The following KDM4C variants were observed in gnomAD, a reference collection of about 807,000 sequenced individuals.
KDM4C encodes lysine-specific demethylase 4C.
In KDM4C, 81 loss-of-function variants were observed where a neutral mutation model predicts 129.3. The observed-to-expected ratio is 0.63, with a 90% CI of 0.52 to 0.75. The LOEUF is 0.75. KDM4C is among the 30% of genes least tolerant of loss of function. KDM4C has a pLI of 0.00. For missense variants in KDM4C, 1,457 were observed against 1,304.0 expected (o/e 1.12, Z -1.81); for synonymous variants, 573 against 456.1 (o/e 1.26, Z -3.26).
At chr9:7,127,564 AAAG>A in intron 18 of KDM4C, among the ~76,000 whole-genome samples, 1 of 152,180 alleles carries the variant, frequency 6.6e-6, no homozygotes, top group East Asian at 1.9e-4. Flanking sequence ...GGTCCTGATT[AAAG>A]AAGCCTAAAG....
At chr9:7,174,390 G>C (rs1211345000) in intron 21 of KDM4C, among the ~76,000 whole-genome samples, 163 bp from the exon 22 acceptor site, 3 of 152,206 alleles carry the variant, frequency 2.0e-5, no homozygotes, top group Non-Finnish European at 4.4e-5. Context: ...CTTTGGGTGG[G>C]AGAGGCGAGG....
chr9:6,740,274 T>G (rs968290613), intron 1 of KDM4C, among the ~76,000 whole-genome samples: 29 of 149,162 alleles, frequency 1.9e-4, no homozygotes, highest in Admixed American at 2.7e-4. Flanking sequence ...TGCAATCTCG[T>G]CTCACTGCAA....
intron 1 of KDM4C, among the ~76,000 whole-genome samples, chr9:6,743,413 A>G (rs1442104302): frequency 1.3e-5 from 2 of 152,164 alleles, no homozygotes; most frequent in Non-Finnish European, 2.9e-5. Context: ...GATTATCAAG[A>G]GTGTGCATCT....
intron 1 of KDM4C, among the ~76,000 whole-genome samples, chr9:6,770,432 T>TGAAATA (rs1821526328): frequency 6.6e-6 from 1 of 152,202 alleles, no homozygotes; most frequent in Non-Finnish European, 1.5e-5. Flanking sequence ...AAAATACATG[T>TGAAATA]CAATATCTGT....
intron 8 of KDM4C, among the ~76,000 whole-genome samples, chr9:6,917,081 A>T (rs1289282938): frequency 6.6e-6 from 1 of 152,108 alleles, no homozygotes; most frequent in East Asian, 1.9e-4. Flanking sequence ...TATAGGTATG[A>T]ATTATTTTCA....
At chr9:6,949,711 G>A (rs543747606) in intron 8 of KDM4C, among the ~76,000 whole-genome samples, 32 of 152,186 alleles carry the variant, frequency 2.1e-4, no homozygotes, top group East Asian at 1.9e-4. Context: ...GCGTGGCGGC[G>A]CGCGCCTGCA....
upstream of KDM4C, among the ~76,000 whole-genome samples, chr9:6,753,656 G>C (rs1818146695): frequency 6.6e-6 from 1 of 152,162 alleles, no homozygotes; most frequent in South Asian, 2.1e-4. Flanking sequence ...GGCTGTATTA[G>C]GTGAGGGACT....
At chr9:6,990,595 AT>A in intron 12 of KDM4C, 71 bp downstream of exon 12, 2 of 998,086 alleles carry the variant, frequency 2.0e-6, no homozygotes, top group Non-Finnish European at 3.0e-6. Flanking sequence ...TGTAAAAAAA[AT>A]TGCTGAATAG....
At chr9:7,014,147 G>A in intron 14 of KDM4C, 146 bp downstream of exon 14, 1 of 642,752 alleles carries the variant, frequency 1.6e-6, no homozygotes, top group Non-Finnish European at 2.6e-6. Context: ...ATTTCTGCTG[G>A]TAAAAGTATG....
intron 1 of KDM4C, among the ~76,000 whole-genome samples, chr9:6,722,517 A>AT (rs71315551): frequency 0.23 from 31,149 of 134,486 alleles, 3,562 homozygotes; most frequent in Non-Finnish European, 0.31. Context: ...ATGTCTATAT[A>AT]TTTTTTTTTT....
intron 8 of KDM4C, among the ~76,000 whole-genome samples, chr9:6,953,065 A>G (rs182716307): frequency 6.6e-6 from 1 of 152,346 alleles, no homozygotes. Context: ...TTTCATGATT[A>G]ATTGATACTT....
chr9:7,059,228 C>T (rs139592379), intron 17 of KDM4C, among the ~76,000 whole-genome samples: 1 of 152,254 alleles, frequency 6.6e-6, no homozygotes, highest in Non-Finnish European at 1.5e-5. Context: ...TGGCTCATTG[C>T]AGCCTGTATC....
chr9:6,742,235 C>T (rs1378554073), intron 1 of KDM4C, among the ~76,000 whole-genome samples: 3 of 150,458 alleles, frequency 2.0e-5, no homozygotes, highest in Non-Finnish European at 2.9e-5. Context: ...AGGCTGGTCT[C>T]GAACTCCTGA....
intron 1 of KDM4C, among the ~76,000 whole-genome samples, chr9:6,781,384 G>GTT (rs58921729): frequency 6.9e-6 from 1 of 144,686 alleles, no homozygotes; most frequent in Non-Finnish European, 1.5e-5. Flanking sequence ...TGTTTTTTGT[G>GTT]TTTTTTTTTT....
chr9:7,002,492 A>G (rs1008581387), intron 12 of KDM4C, among the ~76,000 whole-genome samples: 2 of 152,170 alleles, frequency 1.3e-5, no homozygotes, highest in Non-Finnish European at 2.9e-5. Flanking sequence ...ATGTATTAAT[A>G]CTATTATTTC....
intron 3 of KDM4C, among the ~76,000 whole-genome samples, chr9:6,808,403 G>T (rs10114159): frequency 0.41 from 27,194 of 66,612 alleles, 5,591 homozygotes; most frequent in African/African-American, 0.57. Flanking sequence ...CCCCCAACCC[G>T]GTGCTCTCTG....
At chr9:6,936,383 C>T (rs1231198871) in intron 8 of KDM4C, among the ~76,000 whole-genome samples, 4 of 151,208 alleles carry the variant, frequency 2.6e-5, no homozygotes, top group African/African-American at 9.9e-5. Flanking sequence ...TATTACTTTA[C>T]ATATATTTGA....
intron 19 of KDM4C, among the ~76,000 whole-genome samples, chr9:7,147,155 C>A (rs527550707): frequency 6.6e-6 from 1 of 152,250 alleles, no homozygotes; most frequent in South Asian, 2.1e-4. Context: ...AATGAGAAAA[C>A]CAGGACATAA....
chr9:7,166,087 C>T (rs1844353290), intron 20 of KDM4C, among the ~76,000 whole-genome samples: 1 of 152,198 alleles, frequency 6.6e-6, no homozygotes, highest in East Asian at 1.9e-4. Context: ...ACATTTAGAG[C>T]CAATACATTG....
Sources: allele counts gnomAD v4.1 joint callset (sites outside exome capture counted in the v4.1 genomes callset), GRCh38; gene constraint gnomAD v4.1.1; transcripts MANE v1.5; gene names NCBI Gene and HGNC (gene_info 2026-07-23, HGNC 2026-07-21).